The following RUNX2 variants were observed in gnomAD, a reference collection of about 807,000 sequenced individuals.
RUNX2 encodes runt-related transcription factor 2.
In RUNX2, 10 loss-of-function variants were observed where a neutral mutation model predicts 51.7. That is an observed-to-expected ratio of 0.19 (90% confidence interval 0.12 to 0.33). RUNX2 has a LOEUF of 0.33. Ranked by LOEUF, RUNX2 falls within the 10% of genes least tolerant of loss-of-function variation. The pLI is 1.00. For synonymous variants in RUNX2, 276 were observed against 273.6 expected (o/e 1.01, Z -0.09); for missense variants, 562 against 691.3 (o/e 0.81, Z 2.10).
chr6:45,372,804 A>C (rs1796267214), intron 2 of RUNX2, among the ~76,000 whole-genome samples: 2 of 151,944 alleles, frequency 1.3e-5, no homozygotes, highest in African/African-American at 2.4e-5. Context: ...TACTACAGGC[A>C]CAAACCACCA....
chr6:45,529,113 T>C (rs966415836), intron 7 of RUNX2, among the ~76,000 whole-genome samples: 1 of 152,224 alleles, frequency 6.6e-6, no homozygotes, highest in Non-Finnish European at 1.5e-5. Context: ...CTCTGGAAGT[T>C]AGCTTCAAGA....
At chr6:45,380,961 T>C (rs1797228120) in intron 2 of RUNX2, among the ~76,000 whole-genome samples, 1 of 152,244 alleles carries the variant, frequency 6.6e-6, no homozygotes, top group African/African-American at 2.4e-5. Flanking sequence ...TAACTCTTAC[T>C]TGCTAGGATG....
At chr6:45,379,907 G>A (rs3763190) in intron 2 of RUNX2, among the ~76,000 whole-genome samples, 17,127 of 152,072 alleles carry the variant, frequency 0.11, 1,353 homozygotes, top group East Asian at 0.26. Context: ...GTTAATGAGA[G>A]TGACACATGG....
At chr6:45,499,150 T>C (rs2150411818) in intron 6 of RUNX2, among the ~76,000 whole-genome samples, 1 of 152,356 alleles carries the variant, frequency 6.6e-6, no homozygotes, top group Admixed American at 6.5e-5. Flanking sequence ...CTGAAGTCAC[T>C]GCATTGAAAG....
chr6:45,479,256 A>G (rs1300847359), intron 5 of RUNX2, among the ~76,000 whole-genome samples: 3 of 152,220 alleles, frequency 2.0e-5, no homozygotes, highest in Admixed American at 2.0e-4. Flanking sequence ...TCCAGATTGC[A>G]TTACTTCTTT....
chr6:45,549,472 C>T lies in RUNX2; in HGVS notation c.*2167C>T. 2.5e-6 allele frequency: 1 copy of T among 397,910 alleles called. No individual in the cohort carries two copies. Among genetic ancestry groups the T allele is most frequent in the Non-Finnish European group, 4.4e-6 (1 of 225,984 alleles). 24.6% of individuals were successfully genotyped at this position (397,910 alleles called of 1,614,324 possible). On this transcript the variant is annotated 3_prime_UTR_variant, in exon 9 of 9. Transcript: ENST00000647337. ...ACTTTGCCTTCTAAAGGCCGTATAC[C>T]AAGTATGCTTAGATAAATAAGCCAC...
intron 2 of RUNX2, among the ~76,000 whole-genome samples, chr6:45,375,977 C>T (rs1796721266): frequency 6.6e-6 from 1 of 152,098 alleles, no homozygotes; most frequent in South Asian, 2.1e-4. Flanking sequence ...TTTCAAATCG[C>T]TTTATTACAC....
Position 45,422,905 on chromosome 6 carries a change from C to T in RUNX2, c.371C>T (p.Ser124Leu). The T allele has an allele frequency of 1.9e-6, 3 of 1,612,794 alleles. No individual in the cohort carries two copies. Among genetic ancestry groups the T allele is most frequent in the Non-Finnish European group, 2.5e-6 (3 of 1,179,652 alleles). The change falls in exon 3 of 9, where the codon TCG becomes TTG. Residue 124 changes from serine to leucine, a missense_variant. By Grantham distance (145) the Ser-to-Leu change is moderately radical. This residue lies in a region of RUNX2 where 67 missense variants were observed against 106.5 expected (regional missense o/e 0.63). Transcript: ENST00000647337. Reference sequence around the variant, plus strand: ...ACCGACAGCCCCAACTTCCTGTGCTCGGTGCTGCCCTCGCACTGGCGCTGC... The same window carrying T: ...ACCGACAGCCCCAACTTCCTGTGCTTGGTGCTGCCCTCGCACTGGCGCTGC... ...VRTDSPNFLC[S>L]VLPSHWRCNK...
intron 2 of RUNX2, among the ~76,000 whole-genome samples, chr6:45,330,194 A>G (rs921531511): frequency 1.3e-5 from 2 of 151,958 alleles, no homozygotes; most frequent in Non-Finnish European, 2.9e-5. Flanking sequence ...TATATACAAT[A>G]TAATAATCAC....
chr6:45,545,188 A>C, intron 7 of RUNX2, 29 bp from the exon 8 acceptor site: 1 of 1,490,384 alleles, frequency 6.7e-7, no homozygotes, highest in Non-Finnish European at 9.1e-7. Flanking sequence ...CTGGAAGGGA[A>C]CTTAGAGCTC....
At chr6:45,371,156 T>G (rs1795999050) in intron 2 of RUNX2, among the ~76,000 whole-genome samples, 1 of 152,170 alleles carries the variant, frequency 6.6e-6, no homozygotes, top group Admixed American at 6.5e-5. Flanking sequence ...GACAAACATG[T>G]CAAAAAAATA....
chr6:45,532,128 T>G (rs1801871651), intron 7 of RUNX2, among the ~76,000 whole-genome samples: 1 of 151,726 alleles, frequency 6.6e-6, no homozygotes, highest in Admixed American at 6.6e-5. Flanking sequence ...GATCCTAAAT[T>G]TTTGAATTGA....
chr6:45,440,231 C>T (rs1253626376), intron 5 of RUNX2, among the ~76,000 whole-genome samples: 1 of 152,204 alleles, frequency 6.6e-6, no homozygotes, highest in African/African-American at 2.4e-5. Flanking sequence ...AATCCTATAA[C>T]CTGGATTCTG....
intron 5 of RUNX2, among the ~76,000 whole-genome samples, chr6:45,441,697 T>C (rs1360798290): frequency 6.6e-6 from 1 of 152,242 alleles, no homozygotes; most frequent in African/African-American, 2.4e-5. Flanking sequence ...TACTAATTTT[T>C]GCTCATTAGT....
chr6:45,457,044 A>G (rs1034577270), intron 5 of RUNX2, among the ~76,000 whole-genome samples: 3 of 152,234 alleles, frequency 2.0e-5, no homozygotes, highest in South Asian at 2.1e-4. Flanking sequence ...TACTCTAACT[A>G]GAAGCTAGCC....
At chr6:45,444,875 T>C (rs1023993496) in intron 5 of RUNX2, among the ~76,000 whole-genome samples, 32 of 152,160 alleles carry the variant, frequency 2.1e-4, no homozygotes, top group African/African-American at 7.7e-4. Flanking sequence ...ATGGAGGGGT[T>C]GACATTTTTC....
chr6:45,475,339 T>C (rs1371453749), intron 5 of RUNX2, among the ~76,000 whole-genome samples: 3 of 152,152 alleles, frequency 2.0e-5, no homozygotes, highest in African/African-American at 7.2e-5. Flanking sequence ...ATCTTGAAGA[T>C]TAGAAATTAG....
At chr6:45,531,175 G>C (rs1466889028) in intron 7 of RUNX2, among the ~76,000 whole-genome samples, 3 of 152,152 alleles carry the variant, frequency 2.0e-5, no homozygotes, top group Non-Finnish European at 4.4e-5. Context: ...CTGCGTTGCT[G>C]TAGGAGTCTC....
At chr6:45,496,374 G>C (rs971035375) in intron 6 of RUNX2, among the ~76,000 whole-genome samples, 12 of 152,158 alleles carry the variant, frequency 7.9e-5, no homozygotes, top group Non-Finnish European at 2.9e-5. Flanking sequence ...GTGAGTGAGA[G>C]AGACACAGCT....
Sources: allele counts gnomAD v4.1 joint callset (sites outside exome capture counted in the v4.1 genomes callset), GRCh38; gene constraint gnomAD v4.1.1; regional missense constraint gnomAD v4.1.1; transcripts MANE v1.5; gene names NCBI Gene and HGNC (gene_info 2026-07-23, HGNC 2026-07-21).